AADAT: variants seen among roughly 807,000 people sequenced by gnomAD.
AADAT encodes the protein kynurenine/alpha-aminoadipate aminotransferase, mitochondrial.
A neutral mutation model predicts 56.2 loss-of-function variants in AADAT; 25 were observed. The observed-to-expected ratio is 0.44, with a 90% CI of 0.32 to 0.62. The LOEUF is 0.62. AADAT is among the 20% of genes least tolerant of loss of function. The pLI, the probability that AADAT is intolerant of heterozygous loss-of-function variation, is 0.04. For missense variants in AADAT, 387 were observed against 510.5 expected (o/e 0.76, Z 2.33); for synonymous variants, 173 against 164.7 (o/e 1.05, Z -0.39).
rs1581570617 is a variant in AADAT at position 170,066,629 on chromosome 4, G to A, written c.963-151C>T. 31 of 604,290 alleles carry A rather than the reference G, an allele frequency of 5.1e-5. No homozygotes were observed. In the East Asian group the frequency reaches 8.6e-4, roughly 17 times the overall value. The allele number at this position is 604,290 out of a possible 1,614,324, so 37.4% of individuals were successfully genotyped here. ...AGAATGGAGCATATTTGTTTCACTT[G>A]TCTGGTGAAAAACTTTTAACTGCTG... On this transcript the variant is annotated intron_variant, in intron 9 of 12. Transcript: ENST00000337664.
chr4:170,071,897 T>A (rs955562902), intron 5 of AADAT, among the ~76,000 whole-genome samples: 8 of 152,130 alleles, frequency 5.3e-5, no homozygotes, highest in Non-Finnish European at 7.4e-5. Flanking sequence ...CATTCATAGT[T>A]GCACTCTTTA....
intron 1 of AADAT, 79 bp downstream of exon 1, chr4:170,089,545 G>C: frequency 2.6e-6 from 4 of 1,537,076 alleles, no homozygotes; most frequent in Non-Finnish European, 3.6e-6. Flanking sequence ...ACCAAGCGGT[G>C]GCTTGCTAGG....
At chr4:170,075,210 T>C (rs1317784663) in intron 4 of AADAT, among the ~76,000 whole-genome samples, 1 of 152,270 alleles carries the variant, frequency 6.6e-6, no homozygotes, top group African/African-American at 2.4e-5. Context: ...TTTACATTCA[T>C]AGACATTATG....
At chr4:170,066,313 C>T in intron 10 of AADAT, 101 bp downstream of exon 10, 1 of 1,024,120 alleles carries the variant, frequency 9.8e-7, no homozygotes, top group Non-Finnish European at 1.5e-6. Context: ...TACTCCTGGA[C>T]TGTTTCTTTT....
chr4:170,087,519 C>A (rs1732621233), intron 2 of AADAT, among the ~76,000 whole-genome samples: 1 of 152,164 alleles, frequency 6.6e-6, no homozygotes, highest in South Asian at 2.1e-4. Context: ...CTTTCTTATT[C>A]CAAACCTGAA....
rs1480544 is a variant in AADAT at position 170,066,485 on chromosome 4, A to T, written c.963-7T>A. 674 of 1,610,202 alleles carry T rather than the reference A, an allele frequency of 4.2e-4. No individual in the cohort carries two copies. Among genetic ancestry groups the T allele is most frequent in the Middle Eastern group, 8.3e-4 (5 of 6,052 alleles). On this transcript the variant is annotated splice_region_variant and splice_polypyrimidine_tract_variant and intron_variant, in intron 9 of 12. Coordinates refer to ENST00000337664, the MANE Select transcript of AADAT (RefSeq NM_016228.4). The stretch of plus-strand genomic sequence containing the variant: ...ACTATAGAAATCAATAACCCTAGAA[A>T]AAGAAAACAATGAAATGGATGTGCT...
chr4:170,078,819 G>GGTGT (rs766210741), intron 3 of AADAT, among the ~76,000 whole-genome samples: 106 of 152,102 alleles, frequency 7.0e-4, no homozygotes, highest in African/African-American at 2.3e-3. Flanking sequence ...TAAATGAATG[G>GGTGT]GTGTGACTGA....
intron 4 of AADAT, among the ~76,000 whole-genome samples, chr4:170,073,942 C>T (rs2111175597): frequency 6.6e-6 from 1 of 152,230 alleles, no homozygotes; most frequent in East Asian, 1.9e-4. Flanking sequence ...ATGTTCCTTC[C>T]AGTAAGAAGC....
At chr4:170,088,684 C>T (rs181948263) in intron 1 of AADAT, 120 bp from the exon 2 acceptor site, 60 of 1,042,310 alleles carry the variant, frequency 5.8e-5, no homozygotes, top group Non-Finnish European at 7.7e-5. Flanking sequence ...ATAGAGTGTG[C>T]TATGGTCTAA....
chr4:170,087,695 A>G (rs184021203), intron 2 of AADAT, among the ~76,000 whole-genome samples: 41 of 152,242 alleles, frequency 2.7e-4, no homozygotes, highest in African/African-American at 9.1e-4. Context: ...CATGAATAAC[A>G]TTTCAATACA....
chr4:170,066,037 A>G (rs1306305724), intron 10 of AADAT, among the ~76,000 whole-genome samples: 3 of 152,232 alleles, frequency 2.0e-5, no homozygotes, highest in Non-Finnish European at 4.4e-5. Flanking sequence ...ATAATTTGTC[A>G]GTAAGACATC....
At chr4:170,061,017 T>C (rs1326722801) in intron 12 of AADAT, 48 bp from the exon 13 acceptor site, 2 of 1,296,302 alleles carry the variant, frequency 1.5e-6, no homozygotes, top group South Asian at 2.8e-5. Flanking sequence ...GGATACTATA[T>C]TGGAAAACTC....
Position 170,069,250 on chromosome 4 carries a change from A to G in AADAT, c.721-20T>C, listed in dbSNP as rs755171894. 1 of 1,600,590 alleles carries G rather than the reference A, an allele frequency of 6.2e-7. No individual in the cohort carries two copies. The highest frequency in any genetic ancestry group is 1.1e-5 in the South Asian group (1 of 90,366). ...CCTGAACTTAAAATGAAAAATAAAA[A>G]ATACTGTTGGTCTGAAAGCTCTGTT... On this transcript the variant is annotated intron_variant, in intron 6 of 12. Coordinates refer to ENST00000337664, the MANE Select transcript of AADAT (RefSeq NM_016228.4).
chr4:170,061,963 C>CGTAGAA lies in AADAT; in HGVS notation c.1159_1164dup (p.Phe387_Tyr388dup). Reference sequence around the variant, plus strand: ...TAAGGGCTAGGAGCTGAGCTATCGACGTAGAAAGCATTTCCAGGGAGCATT... The same window carrying CGTAGAA: ...TAAGGGCTAGGAGCTGAGCTATCGACGTAGAAGTAGAAAGCATTTCCAGGGAGCATT... On this transcript the variant is annotated inframe_insertion, in exon 12 of 13. Coordinates refer to ENST00000337664, the MANE Select transcript of AADAT (RefSeq NM_016228.4). 6.2e-7 allele frequency: 1 copy of CGTAGAA among 1,612,642 alleles called. No individual in the cohort carries two copies. Among genetic ancestry groups the CGTAGAA allele is most frequent in the Non-Finnish European group, 8.5e-7 (1 of 1,179,196 alleles).
At chr4:170,065,916 C>A (rs911663805) in intron 10 of AADAT, among the ~76,000 whole-genome samples, 2 of 152,006 alleles carry the variant, frequency 1.3e-5, no homozygotes, top group African/African-American at 2.4e-5. Context: ...ATAATTAAAG[C>A]CATATGATTA....
upstream of AADAT, among the ~76,000 whole-genome samples, chr4:170,090,700 C>T (rs1732788083): frequency 6.6e-6 from 1 of 152,034 alleles, no homozygotes; most frequent in Admixed American, 6.5e-5. Context: ...ACCCTTCTTA[C>T]TCCCCACCTC....
At chr4:170,066,615 T>C (rs1249102134) in intron 9 of AADAT, 137 bp from the exon 10 acceptor site, 24 of 639,236 alleles carry the variant, frequency 3.8e-5, no homozygotes, top group Non-Finnish European at 6.4e-5. Context: ...GAATGGAGCA[T>C]ATTTGTTTCA....
chr4:170,062,861 G>A (rs1236054813), intron 11 of AADAT, among the ~76,000 whole-genome samples: 1 of 152,204 alleles, frequency 6.6e-6, no homozygotes, highest in Non-Finnish European at 1.5e-5. Flanking sequence ...GCAATGAGAT[G>A]TAAGAAACCC....
At chr4:170,078,654 T>A in intron 3 of AADAT, 71 bp from the exon 4 acceptor site, 2 of 1,082,720 alleles carry the variant, frequency 1.8e-6, no homozygotes, top group South Asian at 1.7e-5. Context: ...CAGAAGCCCA[T>A]TTTTTAGTTT....
Sources: allele counts gnomAD v4.1 joint callset (sites outside exome capture counted in the v4.1 genomes callset), GRCh38; gene constraint gnomAD v4.1.1; transcripts MANE v1.5; gene names NCBI Gene and HGNC (gene_info 2026-07-23, HGNC 2026-07-21).